Variants in OSBP2 observed in about 807,000 individuals in gnomAD.
OSBP2 encodes oxysterol-binding protein 2.
Under a neutral mutation model 96.0 loss-of-function variants are expected in OSBP2, and 66 were observed. The ratio of observed to expected loss-of-function variants is 0.69; its 90% CI spans 0.56 to 0.84. The LOEUF (loss-of-function observed/expected upper bound fraction) is 0.84. Ranked by LOEUF, OSBP2 falls within the 40% of genes least tolerant of loss-of-function variation. The pLI is 0.00. For synonymous variants in OSBP2, 525 were observed against 520.9 expected (o/e 1.01, Z -0.11); for missense variants, 1,038 against 1,222.7 (o/e 0.85, Z 2.25).
At chr22:30,872,405 G>T in intron 3 of OSBP2, 1 of 456,350 alleles carries the variant, frequency 2.2e-6, no homozygotes, top group South Asian at 1.5e-5. Flanking sequence ...GAGATAATGA[G>T]CGTCTCAGCT....
At chr22:30,905,703 AG>A in intron 12 of OSBP2, 133 bp from the exon 13 acceptor site, 1 of 1,346,784 alleles carries the variant, frequency 7.4e-7, no homozygotes. Context: ...CCAAGGCCAG[AG>A]GGAGTCCTGG....
intron 2 of OSBP2, among the ~76,000 whole-genome samples, chr22:30,784,451 G>A (rs1569122343): frequency 6.6e-6 from 1 of 152,058 alleles, no homozygotes; most frequent in East Asian, 1.9e-4. Flanking sequence ...TAAAGACGAG[G>A]TCGTGCTATG....
At chr22:30,735,683 A>G (rs2089842765) in intron 1 of OSBP2, among the ~76,000 whole-genome samples, 1 of 151,780 alleles carries the variant, frequency 6.6e-6, no homozygotes, top group Non-Finnish European at 1.5e-5. Context: ...TACTTTTCAT[A>G]TTATTATGGC....
chr22:30,812,865 T>C (rs956882401), intron 2 of OSBP2, among the ~76,000 whole-genome samples: 1 of 152,242 alleles, frequency 6.6e-6, no homozygotes. Flanking sequence ...TGAGACTGTG[T>C]CTACTCTTAT....
chr22:30,904,326 A>C (rs1273028397), intron 12 of OSBP2, among the ~76,000 whole-genome samples: 2 of 152,238 alleles, frequency 1.3e-5, no homozygotes, highest in South Asian at 4.1e-4. Flanking sequence ...TTCTGAGATA[A>C]GAACCATTTC....
At chr22:30,867,409 C>T (rs1484622653) in intron 2 of OSBP2, among the ~76,000 whole-genome samples, 4 of 152,198 alleles carry the variant, frequency 2.6e-5, no homozygotes, top group African/African-American at 4.8e-5. Context: ...CATGTGTGAT[C>T]GCCAACCCCG....
At chr22:30,880,541 C>T (rs1039091660) in intron 3 of OSBP2, among the ~76,000 whole-genome samples, 1 of 152,224 alleles carries the variant, frequency 6.6e-6, no homozygotes. Flanking sequence ...CCCAGCAGGC[C>T]TCTGGTGCCT....
At chr22:30,830,956 G>A (rs1021797481) in intron 2 of OSBP2, among the ~76,000 whole-genome samples, 1 of 151,992 alleles carries the variant, frequency 6.6e-6, no homozygotes, top group African/African-American at 2.4e-5. Flanking sequence ...CAGGCTTTGT[G>A]TTTATTCGTT....
Position 30,713,746 on chromosome 22 carries a change from A to G in OSBP2, c.644+18193A>G, listed in dbSNP as rs74512402. Among the ~76,000 whole-genome samples the G allele has an allele frequency of 8.3e-3, 1,263 of 152,224 alleles. 21 individuals are homozygous for G. Among genetic ancestry groups the G allele is most frequent in the African/African-American group, 0.027 (1,118 of 41,524 alleles). On this transcript the variant is annotated intron_variant, in intron 1 of 13. Transcript: ENST00000332585. ...CCAAAATACTGAGATTACAGATGTGAGCTATTACAGTCAACCTAAAATTGT... is the reference window on the plus strand; with the variant it reads ...CCAAAATACTGAGATTACAGATGTGGGCTATTACAGTCAACCTAAAATTGT...
At chr22:30,905,781 T>C (rs2040319187) in intron 12 of OSBP2, 56 bp from the exon 13 acceptor site, 1 of 1,592,264 alleles carries the variant, frequency 6.3e-7, no homozygotes, top group Non-Finnish European at 8.5e-7. Context: ...GGCGGCCGGG[T>C]AGGTGTGGTC....
intron 2 of OSBP2, among the ~76,000 whole-genome samples, chr22:30,801,844 G>A (rs2145841963): frequency 6.6e-6 from 1 of 152,092 alleles, no homozygotes; most frequent in East Asian, 1.9e-4. Context: ...AGATATGGTG[G>A]TGCACACTTG....
chr22:30,700,540 T>A (rs929247573), intron 1 of OSBP2, among the ~76,000 whole-genome samples: 1 of 152,170 alleles, frequency 6.6e-6, no homozygotes, highest in Admixed American at 6.6e-5. Flanking sequence ...AGAAGTTTTA[T>A]CTATATTAAT....
At chr22:30,900,120 G>A (rs756138816) in intron 12 of OSBP2, among the ~76,000 whole-genome samples, 25 of 152,064 alleles carry the variant, frequency 1.6e-4, no homozygotes, top group Non-Finnish European at 1.2e-4. Flanking sequence ...TAGGCGTGGC[G>A]GCGCATGCCT....
At chr22:30,837,796 C>G (rs1009626404) in intron 2 of OSBP2, among the ~76,000 whole-genome samples, 1 of 152,160 alleles carries the variant, frequency 6.6e-6, no homozygotes, top group African/African-American at 2.4e-5. Flanking sequence ...AATCTTGATG[C>G]CAGCATTGTC....
chr22:30,797,213 A>AT (rs1262127156), intron 2 of OSBP2, among the ~76,000 whole-genome samples: 1 of 152,240 alleles, frequency 6.6e-6, no homozygotes, highest in African/African-American at 2.4e-5. Flanking sequence ...ATTCCACTGT[A>AT]TGGATAGACT....
At chr22:30,887,378 G>C (rs753739496) in intron 3 of OSBP2, 48 bp from the exon 4 acceptor site, 9 of 1,524,544 alleles carry the variant, frequency 5.9e-6, no homozygotes, top group South Asian at 4.6e-5. Flanking sequence ...TGACAGATGG[G>C]CCCCTGCCAG....
intron 1 of OSBP2, among the ~76,000 whole-genome samples, chr22:30,701,079 G>C (rs1317923452): frequency 6.7e-6 from 1 of 150,134 alleles, no homozygotes; most frequent in Non-Finnish European, 1.5e-5. Flanking sequence ...TGGGCAACAA[G>C]AGTGCAACTA....
intron 12 of OSBP2, among the ~76,000 whole-genome samples, chr22:30,903,453 A>C: frequency 6.6e-6 from 1 of 152,260 alleles, no homozygotes; most frequent in Non-Finnish European, 1.5e-5. Context: ...CCAAAGGGAT[A>C]GGCTCACACG....
At chr22:30,705,195 AG>A (rs1393585137) in intron 1 of OSBP2, among the ~76,000 whole-genome samples, 2 of 152,114 alleles carry the variant, frequency 1.3e-5, no homozygotes, top group African/African-American at 4.8e-5. Flanking sequence ...TGTCTGATCT[AG>A]ACCTTGCCCA....
Sources: allele counts gnomAD v4.1 joint callset (sites outside exome capture counted in the v4.1 genomes callset), GRCh38; gene constraint gnomAD v4.1.1; transcripts MANE v1.5; gene names NCBI Gene and HGNC (gene_info 2026-07-23, HGNC 2026-07-21).